CHST3: variants seen among roughly 807,000 people sequenced by gnomAD.
The protein encoded by CHST3 is carbohydrate sulfotransferase 3.
Under a neutral mutation model 35.4 loss-of-function variants are expected in CHST3, and 20 were observed. The observed-to-expected ratio is 0.57, with a 90% confidence interval of 0.40 to 0.82. CHST3 has a LOEUF of 0.82. Ranked by LOEUF, CHST3 falls within the 40% of genes least tolerant of loss-of-function variation. The pLI is 0.00. For missense variants in CHST3, 693 were observed against 670.1 expected (o/e 1.03, Z -0.38); for synonymous variants, 334 against 295.9 (o/e 1.13, Z -1.32).
At chr10:71,990,607 C>T (rs1296462333) in intron 1 of CHST3, among the ~76,000 whole-genome samples, 10 of 152,222 alleles carry the variant, frequency 6.6e-5, no homozygotes, top group Non-Finnish European at 5.9e-5. Flanking sequence ...AGGTGATCCA[C>T]CTGCCTCGGC....
intron 1 of CHST3, among the ~76,000 whole-genome samples, chr10:71,978,810 T>C (rs1374762368): frequency 6.6e-6 from 1 of 152,194 alleles, no homozygotes; most frequent in Non-Finnish European, 1.5e-5. Flanking sequence ...GTTGAGCCTT[T>C]GGAAATGGCC....
At chr10:71,979,689 A>AT (rs921725568) in intron 1 of CHST3, among the ~76,000 whole-genome samples, 1 of 151,570 alleles carries the variant, frequency 6.6e-6, no homozygotes, top group Non-Finnish European at 1.5e-5. Context: ...TATTGTTTTT[A>AT]TTTTTTTTCT....
rs113972377 is a variant in CHST3, at chr10:72,005,725, T to C, written c.-107-11T>C. ...CAGACAAGGGTGTTCTGACCACCTGTCTCTCCGCAGGACAAGGGTGTCCCC... is the reference window on the plus strand; with the variant it reads ...CAGACAAGGGTGTTCTGACCACCTGCCTCTCCGCAGGACAAGGGTGTCCCC... On this transcript the variant is annotated splice_polypyrimidine_tract_variant and intron_variant, in intron 1 of 2. Transcript: ENST00000373115. 1.6e-6 allele frequency: 2 copies of C among 1,274,072 alleles called. No homozygotes were observed. The highest frequency in any genetic ancestry group is 2.9e-5 in the African/African-American group (2 of 68,278). 78.9% of individuals were successfully genotyped at this position (1,274,072 alleles called of 1,614,324 possible).
chr10:71,967,954 G>A (rs942920435), intron 1 of CHST3, among the ~76,000 whole-genome samples: 4 of 147,246 alleles, frequency 2.7e-5, no homozygotes, highest in Admixed American at 6.9e-5. Flanking sequence ...CCTGATAGGC[G>A]TGCACCACCA....
chr10:71,965,180 G>A (rs763359191), intron 1 of CHST3, among the ~76,000 whole-genome samples: 2 of 152,240 alleles, frequency 1.3e-5, no homozygotes, highest in African/African-American at 2.4e-5. Flanking sequence ...CGAGACCAAG[G>A]GGAGCAGATG....
chr10:72,005,082 G>A (rs1840025440), intron 1 of CHST3, among the ~76,000 whole-genome samples: 1 of 152,170 alleles, frequency 6.6e-6, no homozygotes, highest in Admixed American at 6.5e-5. Context: ...CTATGATCGT[G>A]CCACTGCACT....
intron 1 of CHST3, among the ~76,000 whole-genome samples, chr10:71,971,489 C>T (rs1839694453): frequency 6.6e-6 from 1 of 152,210 alleles, no homozygotes; most frequent in Admixed American, 6.5e-5. Context: ...CCGCCTGTGC[C>T]TGTGCCAGCC....
intron 1 of CHST3, among the ~76,000 whole-genome samples, chr10:71,972,128 C>T (rs1016056248): frequency 1.3e-5 from 2 of 152,086 alleles, no homozygotes; most frequent in African/African-American, 2.4e-5. Context: ...GAGGTGGCTC[C>T]GGTTATTCCC....
chr10:71,996,361 T>C (rs567890929), intron 1 of CHST3, among the ~76,000 whole-genome samples: 3 of 152,154 alleles, frequency 2.0e-5, no homozygotes, highest in African/African-American at 7.2e-5. Context: ...GATTCATTGC[T>C]AACTTTGTCA....
rs1240720890 is a variant in CHST3 at position 72,010,944 on chromosome 10, C to T, written c.*2473C>T. The stretch of plus-strand genomic sequence containing the variant: ...GGGCCAAGACCTCCCACTCCGCCCT[C>T]TGAGGATGGTACCAAGAATGGGCCT... On this transcript the variant is annotated 3_prime_UTR_variant, in exon 3 of 3. Coordinates refer to ENST00000373115, the MANE Select transcript of CHST3 (RefSeq NM_004273.5). 2 of 152,300 alleles carry T rather than the reference C, an allele frequency of 1.3e-5. No individual in the cohort carries two copies. The highest frequency in any genetic ancestry group is 4.8e-5 in the African/African-American group (2 of 41,472). The allele number at this position is 152,300 out of a possible 1,614,324, so 9.4% of individuals were successfully genotyped here. A position where few individuals can be genotyped will look rare whatever the true frequency, so the allele number is the denominator to read the frequency against.
At chr10:71,969,280 T>C (rs1297155356) in intron 1 of CHST3, among the ~76,000 whole-genome samples, 1 of 152,200 alleles carries the variant, frequency 6.6e-6, no homozygotes, top group Non-Finnish European at 1.5e-5. Context: ...GATGAGGACA[T>C]GAGGCTCAGA....
chr10:71,995,636 T>G (rs1039692156), intron 1 of CHST3, among the ~76,000 whole-genome samples: 1 of 152,114 alleles, frequency 6.6e-6, no homozygotes, highest in African/African-American at 2.4e-5. Flanking sequence ...TGGCCTAATT[T>G]CAATATTGTT....
chr10:71,979,594 C>T (rs577318789), intron 1 of CHST3, among the ~76,000 whole-genome samples: 85 of 152,194 alleles, frequency 5.6e-4, no homozygotes, highest in African/African-American at 1.9e-3. Flanking sequence ...TGGTTGCCAC[C>T]CTCCCTTCCG....
chr10:71,965,584 C>T (rs1438863314), intron 1 of CHST3, among the ~76,000 whole-genome samples: 1 of 152,202 alleles, frequency 6.6e-6, no homozygotes, highest in Non-Finnish European at 1.5e-5. Context: ...CATTATTTTC[C>T]TTGCACCTGA....
rs1325865841 is a variant in CHST3 at position 72,007,937 on chromosome 10, C to A, written c.906C>A (p.Asp302Glu). The A allele has an allele frequency of 3.2e-6, 5 of 1,550,692 alleles. No individual in the cohort carries two copies. Among genetic ancestry groups the A allele is most frequent in the Non-Finnish European group, 1.7e-6 (2 of 1,147,308 alleles). ...LDLRVIQLVR[D>E]PRAVLASRMV... ...TGCGCGTCATCCAGCTGGTGCGCGA[C>A]CCCCGGGCCGTGCTGGCCTCGCGCA... Residue 302 changes from aspartate to glutamate, a missense_variant, in exon 3 of 3, where the codon GAC becomes GAA. Physicochemically the swap from Asp to Glu is conservative, Grantham distance 45. Transcript: ENST00000373115.
chr10:71,994,122 A>C (rs111743719), intron 1 of CHST3, among the ~76,000 whole-genome samples: 229 of 152,120 alleles, frequency 1.5e-3, no homozygotes, highest in African/African-American at 4.9e-3. Flanking sequence ...AAAATTAGCC[A>C]GGTGAAATAC....
At chr10:71,968,368 T>C (rs923884490) in intron 1 of CHST3, among the ~76,000 whole-genome samples, 1 of 152,244 alleles carries the variant, frequency 6.6e-6, no homozygotes, top group African/African-American at 2.4e-5. Flanking sequence ...TCAAGTTCCT[T>C]ATAGATTCTG....
chr10:72,009,181 G>T lies in CHST3; in HGVS notation c.*710G>T, dbSNP rs190298233. The T allele has an allele frequency of 2.0e-5, 3 of 152,168 alleles. No homozygotes were observed. Among genetic ancestry groups the T allele is most frequent in the Non-Finnish European group, 4.4e-5 (3 of 68,054 alleles). 9.4% of individuals were successfully genotyped at this position (152,168 alleles called of 1,614,324 possible). A position where few individuals can be genotyped will look rare whatever the true frequency, so the allele number is the denominator to read the frequency against. On this transcript the variant is annotated 3_prime_UTR_variant, in exon 3 of 3. Coordinates refer to ENST00000373115, the MANE Select transcript of CHST3 (RefSeq NM_004273.5). ...CACATCTATGCAGACAAGCTTCCTC[G>T]CTGCTTATGCCCACAGGGTTTTTCT...
chr10:71,989,212 T>C (rs1483013026), intron 1 of CHST3, among the ~76,000 whole-genome samples: 1 of 152,000 alleles, frequency 6.6e-6, no homozygotes, highest in Non-Finnish European at 1.5e-5. Flanking sequence ...GAAAATAATT[T>C]GCCAGCCTCA....
Sources: allele counts gnomAD v4.1 joint callset (sites outside exome capture counted in the v4.1 genomes callset), GRCh38; gene constraint gnomAD v4.1.1; transcripts MANE v1.5; gene names NCBI Gene and HGNC (gene_info 2026-07-23, HGNC 2026-07-21).